JAK1: variants seen among roughly 807,000 people sequenced by gnomAD.
JAK1 encodes the protein Janus kinase 1, also known as tyrosine-protein kinase JAK1.
In JAK1, 16 loss-of-function variants were observed where a neutral mutation model predicts 136.6. The observed-to-expected ratio is 0.12, with a 90% confidence interval of 0.08 to 0.18. The LOEUF (loss-of-function observed/expected upper bound fraction) is 0.18, where lower values mean the gene tolerates loss of function less well. Among genes scored for constraint, JAK1 ranks in the 10% least tolerant of loss-of-function variants. JAK1 has a pLI of 1.00. For missense variants in JAK1, 859 were observed against 1,450.1 expected, an observed-to-expected ratio of 0.59 and a Z score of 6.62; for synonymous variants, 492 against 519.5, an observed-to-expected ratio of 0.95 and a Z score of 0.72.
At chr1:64,840,050 A>G (rs1484312185) in intron 19 of JAK1, among the ~76,000 whole-genome samples, 1 of 152,172 alleles carries the variant, frequency 6.6e-6, no homozygotes, top group African/African-American at 2.4e-5. Context: ...CATCAATCCC[A>G]ATTTCTATGA....
chr1:64,905,260 G>A (rs1645171782), intron 1 of JAK1, among the ~76,000 whole-genome samples: 1 of 152,124 alleles, frequency 6.6e-6, no homozygotes, highest in African/African-American at 2.4e-5. Context: ...ACAGAGAAGG[G>A]GCAGAGCAGA....
Position 64,883,414 on chromosome 1 carries a change from T to C in JAK1, c.68A>G (p.Lys23Arg). 1 of 1,614,190 alleles carries C rather than the reference T, an allele frequency of 6.2e-7. No individual in the cohort carries two copies. The highest frequency in any genetic ancestry group is 1.1e-5 in the South Asian group (1 of 91,084). ...GGCCTCCAGGTTCACCTCAGTCTTCTTGGAGCTCCTCATTTTAGCACAGAA... is the reference window on the plus strand; with the variant it reads ...GGCCTCCAGGTTCACCTCAGTCTTCCTGGAGCTCCTCATTTTAGCACAGAA... ...MAFCAKMRSS[K>R]KTEVNLEAPE... Residue 23 changes from lysine to arginine, a missense_variant, in exon 3 of 25, where the codon AAG becomes AGG. By Grantham distance (26) the Lys-to-Arg change is conservative (BLOSUM62 2). This residue lies in a region of JAK1 where 353 missense variants were observed against 494.0 expected (regional missense o/e 0.71). Transcript: ENST00000342505.
chr1:64,965,176 ATCACT>A (rs1646350228), intron 1 of JAK1, among the ~76,000 whole-genome samples: 1 of 152,232 alleles, frequency 6.6e-6, no homozygotes. Context: ...CATTATTCTC[ATCACT>A]TAACTACCCA....
intron 1 of JAK1, among the ~76,000 whole-genome samples, chr1:64,899,134 C>T (rs1249189645): frequency 1.3e-5 from 2 of 152,192 alleles, no homozygotes; most frequent in East Asian, 3.8e-4. Context: ...TCTTATTCTA[C>T]TCATAAGCAA....
intron 1 of JAK1, among the ~76,000 whole-genome samples, chr1:64,961,302 T>C (rs1646279048): frequency 6.6e-6 from 1 of 152,208 alleles, no homozygotes; most frequent in Non-Finnish European, 1.5e-5. Flanking sequence ...GGATAGTTGA[T>C]AAATGGCAGA....
chr1:64,937,735 G>A (rs542803462), intron 1 of JAK1, among the ~76,000 whole-genome samples: 6 of 152,138 alleles, frequency 3.9e-5, no homozygotes, highest in East Asian at 3.9e-4. Flanking sequence ...TCCTTAAAGC[G>A]AGGTCAAACT....
intron 1 of JAK1, among the ~76,000 whole-genome samples, chr1:65,065,356 C>T (rs535692857): frequency 6.6e-6 from 1 of 152,068 alleles, no homozygotes; most frequent in Non-Finnish European, 1.5e-5. Context: ...TTCAAATAAG[C>T]CTGCAAACAG....
intron 1 of JAK1, among the ~76,000 whole-genome samples, chr1:64,934,641 G>A (rs934105908): frequency 1.3e-5 from 2 of 152,268 alleles, no homozygotes; most frequent in Middle Eastern, 3.4e-3. Flanking sequence ...TCCATCTACT[G>A]GACCTACAGA....
At chr1:64,966,741 C>T (rs11582202), upstream of JAK1, among the ~76,000 whole-genome samples, 2 of 150,652 alleles carry the variant, frequency 1.3e-5, no homozygotes, top group Non-Finnish European at 3.0e-5. Context: ...TGCCCCCACT[C>T]GTCTCTGTTC....
intron 2 of JAK1, among the ~76,000 whole-genome samples, chr1:64,981,245 A>ATC (rs1231126749): frequency 6.6e-6 from 1 of 152,146 alleles, no homozygotes; most frequent in Admixed American, 6.5e-5. Context: ...TTTCTAAGTG[A>ATC]TCTCTCTCTC....
At chr1:64,997,660 G>A (rs1054466971) in intron 2 of JAK1, among the ~76,000 whole-genome samples, 2 of 152,194 alleles carry the variant, frequency 1.3e-5, no homozygotes. Flanking sequence ...CAAGGACAAC[G>A]GCATAATGGG....
intron 1 of JAK1, among the ~76,000 whole-genome samples, chr1:65,052,337 T>C (rs935680898): frequency 5.3e-5 from 8 of 152,034 alleles, no homozygotes; most frequent in African/African-American, 1.9e-4. Flanking sequence ...TTTTGGTGCC[T>C]CCCTTACCTA....
intron 2 of JAK1, among the ~76,000 whole-genome samples, chr1:64,976,634 A>G (rs1335088220): frequency 1.3e-5 from 2 of 152,180 alleles, no homozygotes; most frequent in African/African-American, 2.4e-5. Flanking sequence ...AGTGACGCCA[A>G]TGTCTCTCTC....
intron 1 of JAK1, among the ~76,000 whole-genome samples, chr1:64,936,389 C>T (rs958284566): frequency 2.6e-5 from 4 of 152,166 alleles, no homozygotes; most frequent in Non-Finnish European, 4.4e-5. Context: ...GTGCACCCTC[C>T]AATGCAAGGT....
chr1:64,895,600 C>T (rs956713162), intron 1 of JAK1, among the ~76,000 whole-genome samples: 1 of 152,152 alleles, frequency 6.6e-6, no homozygotes, highest in Non-Finnish European at 1.5e-5. Context: ...AATGTATAGC[C>T]TATGATGTTT....
Position 64,864,746 on chromosome 1 carries a change from ATCACC to A in JAK1, c.1176+36_1176+40del. 2.1e-6 allele frequency: 3 copies of A among 1,459,248 alleles called. No individual in the cohort carries two copies. In the African/African-American group the frequency reaches 4.2e-5, roughly 21 times the overall value. The allele number at this position is 1,459,248 out of a possible 1,614,324, so 90.4% of individuals were successfully genotyped here. ...ACGGAACTCAGCAATTCTCCCTCTC[ATCACC>A]AGATCCAGACTTAAGAGCTTCTGGG... On this transcript the variant is annotated intron_variant, in intron 8 of 24. Transcript: ENST00000342505.
upstream of JAK1, among the ~76,000 whole-genome samples, chr1:64,970,628 G>A (rs1342166328): frequency 1.3e-5 from 2 of 151,888 alleles, no homozygotes; most frequent in Admixed American, 1.3e-4. Context: ...GCCAGGCGTG[G>A]TGGCATGCAC....
chr1:65,063,164 A>G (rs1647881267), intron 1 of JAK1, among the ~76,000 whole-genome samples: 2 of 152,228 alleles, frequency 1.3e-5, no homozygotes. Flanking sequence ...GACAGAAAGT[A>G]GATGAAGCAA....
chr1:64,997,972 T>A (rs1212046326), intron 2 of JAK1, among the ~76,000 whole-genome samples: 1 of 152,166 alleles, frequency 6.6e-6, no homozygotes, highest in Non-Finnish European at 1.5e-5. Context: ...AAGAAACAAA[T>A]GACTATACAA....
Sources: allele counts gnomAD v4.1 joint callset (sites outside exome capture counted in the v4.1 genomes callset), GRCh38; gene constraint gnomAD v4.1.1; regional missense constraint gnomAD v4.1.1; transcripts MANE v1.5; gene names NCBI Gene and HGNC (gene_info 2026-07-23, HGNC 2026-07-21).